Variants in HEATR5B observed in about 807,000 individuals in gnomAD.
HEATR5B encodes HEAT repeat-containing protein 5B.
In HEATR5B, 156 loss-of-function variants were observed where a neutral mutation model predicts 224.1. The observed-to-expected ratio is 0.70, with a 90% CI of 0.61 to 0.80. The LOEUF is 0.80. HEATR5B is among the 30% of genes least tolerant of loss of function. The pLI, the probability that HEATR5B is intolerant of heterozygous loss-of-function variation, is 0.00. For synonymous variants in HEATR5B, 1,027 were observed against 893.0 expected, an observed-to-expected ratio of 1.15 and a Z score of -2.68; for missense variants, 2,323 against 2,535.5, an observed-to-expected ratio of 0.92 and a Z score of 1.80.
chr2:36,984,646 G>A lies in HEATR5B; in HGVS notation c.5912-2852C>T, dbSNP rs540363283. Reference sequence around the variant, plus strand: ...TGAAAATAATATGAACAATGTAAGCGATTAAAAGGAGCACAGAAAGGAAAC... The same window carrying A: ...TGAAAATAATATGAACAATGTAAGCAATTAAAAGGAGCACAGAAAGGAAAC... On this transcript the variant is annotated intron_variant, in intron 35 of 35. Transcript: ENST00000233099. 4.5e-4 allele frequency among the ~76,000 whole-genome samples: 69 copies of A among 152,218 alleles called. 1 individual carries two copies. Among genetic ancestry groups the A allele is most frequent in the Non-Finnish European group, 1.3e-4 (9 of 68,002 alleles).
intron 12 of HEATR5B, 111 bp downstream of exon 12, chr2:37,060,470 T>C: frequency 1.2e-6 from 1 of 863,776 alleles, no homozygotes; most frequent in Middle Eastern, 3.1e-4. Flanking sequence ...AGCCTATGAA[T>C]TTATCATTAC....
chr2:37,013,649 T>C (rs1005775509), intron 27 of HEATR5B, among the ~76,000 whole-genome samples, 192 bp downstream of exon 27: 1 of 152,246 alleles, frequency 6.6e-6, no homozygotes, highest in Non-Finnish European at 1.5e-5. Flanking sequence ...CCTAATTTCC[T>C]CATATTATGT....
chr2:37,066,018 T>A, intron 8 of HEATR5B, 108 bp from the exon 9 acceptor site: 1 of 879,310 alleles, frequency 1.1e-6, no homozygotes, highest in Non-Finnish European at 1.7e-6. Flanking sequence ...GTCCGAGTGT[T>A]AAAAACTATG....
At chr2:37,080,518 A>C (rs761473701) in intron 2 of HEATR5B, among the ~76,000 whole-genome samples, 3 of 152,160 alleles carry the variant, frequency 2.0e-5, no homozygotes, top group Non-Finnish European at 2.9e-5. Flanking sequence ...TTTGAGAAAA[A>C]GAGGGAAGTC....
intron 35 of HEATR5B, among the ~76,000 whole-genome samples, chr2:36,982,328 C>G (rs774666949): frequency 1.3e-5 from 2 of 151,190 alleles, no homozygotes; most frequent in Non-Finnish European, 2.9e-5. Flanking sequence ...GTTAAAAAAA[C>G]AAGAACCTAT....
intron 24 of HEATR5B, among the ~76,000 whole-genome samples, chr2:37,023,331 A>G (rs1273631321): frequency 6.6e-6 from 1 of 152,214 alleles, no homozygotes; most frequent in East Asian, 1.9e-4. Context: ...AAGCAGTGAC[A>G]TATCTATGGT....
chr2:37,060,438 A>G, intron 12 of HEATR5B, 143 bp downstream of exon 12: 1 of 676,230 alleles, frequency 1.5e-6, no homozygotes, highest in Non-Finnish European at 2.3e-6. Flanking sequence ...GATCATTTAT[A>G]AAGTTTCTAT....
chr2:37,081,328 G>A (rs182935656), intron 2 of HEATR5B, among the ~76,000 whole-genome samples: 17 of 152,108 alleles, frequency 1.1e-4, no homozygotes, highest in Admixed American at 8.5e-4. Context: ...CCATTAACTC[G>A]TCATTTACAT....
chr2:37,051,190 T>A (rs547165313), intron 17 of HEATR5B, among the ~76,000 whole-genome samples: 26 of 152,136 alleles, frequency 1.7e-4, no homozygotes, highest in African/African-American at 6.0e-4. Context: ...ACCCCGTCTC[T>A]GCTAAAAATA....
chr2:37,081,514 C>G (rs1380281145), intron 2 of HEATR5B, among the ~76,000 whole-genome samples: 1 of 152,118 alleles, frequency 6.6e-6, no homozygotes, highest in Non-Finnish European at 1.5e-5. Flanking sequence ...TGCAAAATGA[C>G]CTAACTTACA....
At chr2:37,083,833 G>T (rs899382649) in intron 1 of HEATR5B, among the ~76,000 whole-genome samples, 4 of 152,324 alleles carry the variant, frequency 2.6e-5, no homozygotes, top group African/African-American at 9.6e-5. Flanking sequence ...TCGGTACATA[G>T]CACCTTTACC....
chr2:37,000,906 TTTAATA>T lies in HEATR5B; in HGVS notation c.5318-99_5318-94del, dbSNP rs370501340. 48 of 789,364 alleles carry T rather than the reference TTTAATA, an allele frequency of 6.1e-5. No individual in the cohort carries two copies. In the African/African-American group the frequency reaches 6.4e-4, roughly 11 times the overall value. The allele number at this position is 789,364 out of a possible 1,614,324, so 48.9% of individuals were successfully genotyped here. On this transcript the variant is annotated intron_variant, in intron 32 of 35. Transcript: ENST00000233099. ...TTGTATTTTTTGCATTTGATTGTGG[TTTAATA>T]TTGTTTTTTTCCTTGTCTTTATACA...
At chr2:37,017,513 C>G (rs372053817) in intron 26 of HEATR5B, among the ~76,000 whole-genome samples, 2 of 151,474 alleles carry the variant, frequency 1.3e-5, no homozygotes, top group African/African-American at 4.9e-5. Flanking sequence ...GATGCAACCC[C>G]GTCTCTACTA....
chr2:36,998,799 A>G (rs574618409), intron 33 of HEATR5B, among the ~76,000 whole-genome samples: 2 of 152,164 alleles, frequency 1.3e-5, no homozygotes, highest in Non-Finnish European at 2.9e-5. Context: ...AAACAGAAAT[A>G]TATATTGCTC....
In HEATR5B at chr2:37,064,952, T is replaced by C. The variant is rs752074537; in HGVS notation, c.1372A>G (p.Ser458Gly). The C allele has an allele frequency of 1.2e-6, 2 of 1,613,946 alleles. No homozygotes were observed. The highest frequency in any genetic ancestry group is 8.5e-7 in the Non-Finnish European group (1 of 1,179,994). The stretch of plus-strand genomic sequence containing the variant: ...GCAGCAGCAAGTCGGGCAGCCATGC[T>C]TGGATGAAGCAGCACTGAAGTCACA... The part of the protein sequence containing the change: ...EIVTSVLLHP[S>G]MAARLAAAWC... The change falls in exon 10 of 36, where the codon AGC becomes GGC. Residue 458 changes from serine (S) to glycine (G), a missense_variant. Coordinates refer to ENST00000233099, the MANE Select transcript of HEATR5B (RefSeq NM_019024.3).
At chr2:37,028,533 C>A in intron 23 of HEATR5B, 148 bp downstream of exon 23, 2 of 614,300 alleles carry the variant, frequency 3.3e-6, no homozygotes. Flanking sequence ...TAACTTTCAA[C>A]ATTTTGACAG....
In HEATR5B at chr2:37,007,072, T is replaced by C; in HGVS notation, c.4755A>G (p.Lys1585=). The stretch of plus-strand genomic sequence containing the variant: ...TACCTAAAATCAGATGCATTCTGTC[T>C]TTGTTAATTTCTGGCAAAGATTTAG... ...GSAKSLPEIN[K]DRMHLILGVS... Residue 1585 remains lysine (K), a synonymous_variant, in exon 29 of 36, where the codon AAA becomes AAG. Coordinates refer to ENST00000233099, the MANE Select transcript of HEATR5B (RefSeq NM_019024.3). 6.2e-7 allele frequency: 1 copy of C among 1,614,152 alleles called. No individual in the cohort carries two copies. Among genetic ancestry groups the C allele is most frequent in the Non-Finnish European group, 8.5e-7 (1 of 1,179,974 alleles).
chr2:37,075,702 G>A, intron 4 of HEATR5B, 68 bp from the exon 5 acceptor site: 2 of 1,277,100 alleles, frequency 1.6e-6, no homozygotes, highest in Non-Finnish European at 2.2e-6. Context: ...AACACACCAA[G>A]ACAAAAGTTC....
At chr2:36,996,097 T>C (rs902563866) in intron 33 of HEATR5B, among the ~76,000 whole-genome samples, 1 of 151,266 alleles carries the variant, frequency 6.6e-6, no homozygotes, top group Non-Finnish European at 1.5e-5. Flanking sequence ...AGTCTCGCTC[T>C]GTCACCAGGC....
Sources: gnomAD v4.1 joint callset for allele counts (sites outside exome capture counted in the v4.1 genomes callset) on GRCh38, gnomAD v4.1.1 for gene constraint, MANE v1.5 for transcripts, NCBI Gene and HGNC (gene_info 2026-07-23, HGNC 2026-07-21) for gene names.